Variants in SLC9A9 observed in about 807,000 individuals in gnomAD.
SLC9A9 encodes the protein sodium/hydrogen exchanger 9.
Under a neutral mutation model 77.8 loss-of-function variants are expected in SLC9A9, and 62 were observed. The observed-to-expected ratio is 0.80, with a 90% CI of 0.65 to 0.98. SLC9A9 has a LOEUF of 0.98. Among genes scored for constraint, SLC9A9 ranks in the 50% least tolerant of loss-of-function variants. The pLI, the probability that SLC9A9 is intolerant of heterozygous loss-of-function variation, is 0.00. For synonymous variants in SLC9A9, 320 were observed against 283.5 expected, an observed-to-expected ratio of 1.13 and a Z score of -1.29; for missense variants, 775 against 774.9, an observed-to-expected ratio of 1.00 and a Z score of 0.00.
At chr3:143,835,409 C>A (rs532609738) in intron 1 of SLC9A9, among the ~76,000 whole-genome samples, 1 of 152,174 alleles carries the variant, frequency 6.6e-6, no homozygotes, top group Non-Finnish European at 1.5e-5. Context: ...AAAACCCATG[C>A]ACTCATTTGT....
intron 2 of SLC9A9, among the ~76,000 whole-genome samples, chr3:143,809,587 G>A (rs1360212127): frequency 6.6e-6 from 1 of 152,198 alleles, no homozygotes; most frequent in Non-Finnish European, 1.5e-5. Flanking sequence ...AGGTGGGGCT[G>A]TTTTTAAGGC....
intron 6 of SLC9A9, among the ~76,000 whole-genome samples, chr3:143,621,341 A>T (rs999846513): frequency 6.6e-6 from 1 of 151,046 alleles, no homozygotes; most frequent in African/African-American, 2.4e-5. Context: ...TGACCCCCGA[A>T]TAGCCTAACT....
intron 4 of SLC9A9, among the ~76,000 whole-genome samples, chr3:143,701,042 C>T (rs547301450): frequency 3.3e-5 from 5 of 152,254 alleles, no homozygotes; most frequent in Non-Finnish European, 7.3e-5. Flanking sequence ...CCCAATCTTA[C>T]CTAAGGCCTT....
At chr3:143,665,366 G>T (rs1485129981) in intron 5 of SLC9A9, among the ~76,000 whole-genome samples, 2 of 152,146 alleles carry the variant, frequency 1.3e-5, no homozygotes, top group Admixed American at 1.3e-4. Context: ...AGCACTAAAT[G>T]CCCACAAGAG....
chr3:143,320,064 C>T (rs994726110), intron 14 of SLC9A9, among the ~76,000 whole-genome samples: 1 of 152,190 alleles, frequency 6.6e-6, no homozygotes, highest in East Asian at 1.9e-4. Flanking sequence ...TTCCCTGCCA[C>T]CTGGATGGTA....
At chr3:143,314,622 C>T (rs976822735) in intron 14 of SLC9A9, among the ~76,000 whole-genome samples, 1 of 152,240 alleles carries the variant, frequency 6.6e-6, no homozygotes, top group Non-Finnish European at 1.5e-5. Context: ...GTTTCTCCAG[C>T]TGATGACTAA....
Position 143,552,279 on chromosome 3 carries a change from C to T in SLC9A9, c.1089+83G>A, listed in dbSNP as rs1271609805. 3 of 977,446 alleles carry T rather than the reference C, an allele frequency of 3.1e-6. No individual in the cohort carries two copies. In the East Asian group the frequency reaches 7.6e-5, roughly 25 times the overall value. 60.5% of individuals were successfully genotyped at this position (977,446 alleles called of 1,614,324 possible). ...ACATTCTTCCTTTACTAATGAAACT[C>T]TTTCTGACTATACTGCCAGAATTGC... On this transcript the variant is annotated intron_variant, in intron 9 of 15. Transcript: ENST00000316549.
chr3:143,477,235 C>A (rs57129735), intron 11 of SLC9A9, among the ~76,000 whole-genome samples: 2 of 151,966 alleles, frequency 1.3e-5, no homozygotes, highest in East Asian at 3.9e-4. Flanking sequence ...GCAGCAGCTT[C>A]TTATCCTTGG....
At chr3:143,406,610 C>A (rs2033987228) in intron 12 of SLC9A9, among the ~76,000 whole-genome samples, 1 of 152,042 alleles carries the variant, frequency 6.6e-6, no homozygotes, top group Admixed American at 6.5e-5. Context: ...TTTCCTGTAT[C>A]TTAAAAAGTA....
intron 6 of SLC9A9, among the ~76,000 whole-genome samples, chr3:143,597,164 G>A (rs771021577): frequency 6.6e-6 from 1 of 152,178 alleles, no homozygotes; most frequent in African/African-American, 2.4e-5. Context: ...AGTTTGGTGC[G>A]CAGGCACACA....
chr3:143,838,346 TG>T (rs761204205), intron 1 of SLC9A9, among the ~76,000 whole-genome samples: 1 of 152,328 alleles, frequency 6.6e-6, no homozygotes, highest in Non-Finnish European at 1.5e-5. Context: ...CAGTTTGCGA[TG>T]GGCACTTAGG....
At chr3:143,621,578 C>T (rs527838020) in intron 6 of SLC9A9, among the ~76,000 whole-genome samples, 2 of 152,286 alleles carry the variant, frequency 1.3e-5, no homozygotes, top group South Asian at 4.1e-4. Context: ...GGAAAACTAA[C>T]AAACAGAAAG....
chr3:143,615,911 C>T (rs368443083), intron 6 of SLC9A9, among the ~76,000 whole-genome samples: 6 of 148,098 alleles, frequency 4.1e-5, no homozygotes, highest in Non-Finnish European at 8.9e-5. Context: ...GACAGAGTCT[C>T]GCTCTGTTGC....
chr3:143,343,796 G>C (rs190741786), intron 14 of SLC9A9, among the ~76,000 whole-genome samples: 2 of 152,268 alleles, frequency 1.3e-5, no homozygotes, highest in Non-Finnish European at 2.9e-5. Context: ...CCAACAAGGA[G>C]TCTTTGTGCT....
At position 143,449,010 on chromosome 3, in the gene SLC9A9, A is replaced by AATATAATTATAATTATATAATTATATTTT. The variant is rs1324280520; in HGVS notation, c.1469+18026_1469+18027insAAAATATAATTATATAATTATAATTATAT. On this transcript the variant is annotated intron_variant, in intron 12 of 15. Coordinates refer to ENST00000316549, the MANE Select transcript of SLC9A9 (RefSeq NM_173653.4). ...TAATTATAATTATATAATTATATAA[A>AATATAATTATAATTATATAATTATATTTT]ATATAATTATAATTATATAATTATA... is the stretch of plus-strand genomic sequence containing the variant. 1.1e-4 allele frequency among the ~76,000 whole-genome samples: 2 copies of AATATAATTATAATTATATAATTATATTTT among 18,514 alleles called. 1 individual carries two copies. Among genetic ancestry groups the AATATAATTATAATTATATAATTATATTTT allele is most frequent in the Non-Finnish European group, 1.4e-4 (2 of 14,664 alleles). The allele number at this position is 18,514 out of a possible 152,430, so 12.1% of individuals were successfully genotyped here.
chr3:143,290,063 G>T (rs1938495643), intron 14 of SLC9A9, among the ~76,000 whole-genome samples: 1 of 152,098 alleles, frequency 6.6e-6, no homozygotes, highest in African/African-American at 2.4e-5. Flanking sequence ...AGAACTCAAG[G>T]GTCAGATGCT....
At chr3:143,827,357 C>T (rs749167097) in intron 2 of SLC9A9, among the ~76,000 whole-genome samples, 1 of 152,152 alleles carries the variant, frequency 6.6e-6, no homozygotes, top group African/African-American at 2.4e-5. Flanking sequence ...TTGAGTTCAT[C>T]GTCTGCTCAT....
chr3:143,486,913 C>A (rs1166320250), intron 11 of SLC9A9, among the ~76,000 whole-genome samples: 3 of 151,886 alleles, frequency 2.0e-5, no homozygotes, highest in African/African-American at 7.2e-5. Flanking sequence ...TTCAAAATGA[C>A]AGAACCTCTT....
At chr3:143,642,528 T>C (rs997550132) in intron 6 of SLC9A9, among the ~76,000 whole-genome samples, 1 of 152,266 alleles carries the variant, frequency 6.6e-6, no homozygotes, top group Admixed American at 6.5e-5. Context: ...ACCTGCAATG[T>C]ATTTGAATGT....
Sources: gnomAD v4.1 joint callset for allele counts (sites outside exome capture counted in the v4.1 genomes callset) on GRCh38, gnomAD v4.1.1 for gene constraint, MANE v1.5 for transcripts, NCBI Gene and HGNC (gene_info 2026-07-23, HGNC 2026-07-21) for gene names.